The following CACUL1 variants were observed in gnomAD, a reference collection of about 807,000 sequenced individuals.
The protein encoded by CACUL1 is CDK2 associated cullin domain 1.
CACUL1 carries 13 observed loss-of-function variants against 45.2 expected under a neutral mutation model. The observed-to-expected ratio is 0.29, with a 90% CI of 0.19 to 0.46. CACUL1 has a LOEUF of 0.46. Ranked by LOEUF, CACUL1 falls within the 20% of genes least tolerant of loss-of-function variation. The pLI is 1.00. For synonymous variants in CACUL1, 197 were observed against 174.2 expected, an observed-to-expected ratio of 1.13 and a Z score of -1.03; for missense variants, 421 against 471.4, an observed-to-expected ratio of 0.89 and a Z score of 0.99.
At chr10:118,732,015 G>A (rs1845701794) in intron 1 of CACUL1, among the ~76,000 whole-genome samples, 1 of 152,190 alleles carries the variant, frequency 6.6e-6, no homozygotes, top group African/African-American at 2.4e-5. Context: ...ATAACAGTAG[G>A]AAGAGGCCAG....
At chr10:118,727,381 G>A (rs895076345) in intron 3 of CACUL1, among the ~76,000 whole-genome samples, 2 of 136,854 alleles carry the variant, frequency 1.5e-5, no homozygotes, top group Non-Finnish European at 1.5e-5. Flanking sequence ...GAGACAGAGC[G>A]AGACCCCCAT....
chr10:118,726,208 A>C, intron 3 of CACUL1: 1 of 744,050 alleles, frequency 1.3e-6, no homozygotes, highest in East Asian at 6.4e-5. Context: ...AAACTGCCTT[A>C]AGGTCTCTAT....
At chr10:118,692,719 A>G (rs1207443699) in intron 6 of CACUL1, 1 of 152,230 alleles carries the variant, frequency 6.6e-6, no homozygotes, top group African/African-American at 2.4e-5. Flanking sequence ...CTCTTGAATC[A>G]CTTTAAAAAC....
Position 118,678,995 on chromosome 10 carries a change from T to G in CACUL1, c.*7133A>C, listed in dbSNP as rs1845123635. On this transcript the variant is annotated 3_prime_UTR_variant, in exon 9 of 9. Transcript: ENST00000369151. ...GTTGGTAGACTGACCTATTTCTCTT[T>G]GTAGTGTGTTCATTTTTCCTTTTTG... The G allele has an allele frequency of 1.3e-5, 2 of 152,304 alleles. No individual in the cohort carries two copies. The highest frequency in any genetic ancestry group is 1.5e-5 in the Non-Finnish European group (1 of 68,030). 9.4% of individuals were successfully genotyped at this position (152,304 alleles called of 1,614,324 possible).
At chr10:118,701,122 C>T (rs1019661441) in intron 5 of CACUL1, among the ~76,000 whole-genome samples, 184 bp downstream of exon 5, 24 of 152,058 alleles carry the variant, frequency 1.6e-4, no homozygotes, top group South Asian at 2.1e-4. Flanking sequence ...CACAGCTCAC[C>T]GGGTGACCTT....
chr10:118,754,592 C>T lies in CACUL1; in HGVS notation c.171G>A (p.Leu57=). The change falls in exon 1 of 9, where the codon CTG becomes CTA. Residue 57 remains leucine (L), a synonymous_variant. Coordinates refer to ENST00000369151, the MANE Select transcript of CACUL1 (RefSeq NM_153810.5). ...APAREPPGGQ[L]LAVPAVSVDR... ...CCACGGAGACCGCGGGCACCGCCAGCAGCTGCCCCCCCGGAGGCTCTCGGG... is the reference window on the plus strand; with the variant it reads ...CCACGGAGACCGCGGGCACCGCCAGTAGCTGCCCCCCCGGAGGCTCTCGGG... 1.2e-6 allele frequency: 2 copies of T among 1,609,196 alleles called. No individual in the cohort carries two copies. The highest frequency in any genetic ancestry group is 1.7e-6 in the Non-Finnish European group (2 of 1,177,948).
intron 6 of CACUL1, among the ~76,000 whole-genome samples, chr10:118,691,933 CTGATT>C (rs1305544294): frequency 2.5e-4 from 37 of 145,128 alleles, no homozygotes; most frequent in Admixed American, 6.8e-4. Flanking sequence ...TTTTACTTTA[CTGATT>C]TAACAGAATT....
chr10:118,731,290 C>T (rs1845695469), intron 1 of CACUL1, among the ~76,000 whole-genome samples: 1 of 152,162 alleles, frequency 6.6e-6, no homozygotes, highest in African/African-American at 2.4e-5. Context: ...GACTAGGAAG[C>T]AGAGTGGTTA....
intron 1 of CACUL1, among the ~76,000 whole-genome samples, chr10:118,733,782 C>T (rs1206144235): frequency 3.9e-5 from 6 of 152,102 alleles, no homozygotes; most frequent in South Asian, 2.1e-4. Context: ...GAGACCGAGG[C>T]GAGAGCACCG....
chr10:118,707,772 T>C (rs1845446798), intron 3 of CACUL1, among the ~76,000 whole-genome samples, 185 bp from the exon 4 acceptor site: 1 of 151,812 alleles, frequency 6.6e-6, no homozygotes, highest in African/African-American at 2.4e-5. Flanking sequence ...AAATCTGCTA[T>C]GTAAAACTGA....
intron 1 of CACUL1, among the ~76,000 whole-genome samples, chr10:118,736,443 T>C (rs960867906): frequency 1.4e-4 from 21 of 151,798 alleles, no homozygotes; most frequent in African/African-American, 4.8e-4. Context: ...TGGAGTACAG[T>C]GGTGCAATCT....
intron 1 of CACUL1, among the ~76,000 whole-genome samples, chr10:118,740,119 C>A (rs1349397036): frequency 6.6e-6 from 1 of 152,176 alleles, no homozygotes. Flanking sequence ...TGCACTCCAG[C>A]CTGGGCGACA....
chr10:118,739,495 T>C (rs1273478468), intron 1 of CACUL1, among the ~76,000 whole-genome samples: 1 of 152,222 alleles, frequency 6.6e-6, no homozygotes, highest in East Asian at 1.9e-4. Flanking sequence ...ACTTTTAAAA[T>C]GCCAAGGAAA....
rs191512454 is a variant in CACUL1, at chr10:118,732,162, G to C, written c.368-1752C>G. On this transcript the variant is annotated intron_variant, in intron 1 of 8. Coordinates refer to ENST00000369151, the MANE Select transcript of CACUL1 (RefSeq NM_153810.5). ...TGGATCATTCCAGCAGCTGTGCTGA[G>C]GGTAAACTAAGTTTGGAGGCTGTGA... Among the ~76,000 whole-genome samples the C allele has an allele frequency of 6.6e-4, 101 of 152,330 alleles. 1 individual carries two copies. Among genetic ancestry groups the C allele is most frequent in the African/African-American group, 2.4e-3 (98 of 41,574 alleles).
At chr10:118,713,402 G>C (rs1845511599) in intron 3 of CACUL1, among the ~76,000 whole-genome samples, 1 of 152,170 alleles carries the variant, frequency 6.6e-6, no homozygotes, top group Non-Finnish European at 1.5e-5. Flanking sequence ...CAACTCAGAA[G>C]AGGCTCTTGC....
intron 1 of CACUL1, among the ~76,000 whole-genome samples, chr10:118,750,160 T>C (rs1296363883): frequency 6.6e-6 from 1 of 152,050 alleles, no homozygotes; most frequent in African/African-American, 2.4e-5. Flanking sequence ...AACACATCTC[T>C]ACTAAAAATA....
At position 118,754,404 on chromosome 10, in the gene CACUL1, G is replaced by C; in HGVS notation, c.359C>G (p.Ser120Cys). 3 of 1,565,140 alleles carry C rather than the reference G, an allele frequency of 1.9e-6. No homozygotes were observed. Among genetic ancestry groups the C allele is most frequent in the Non-Finnish European group, 2.6e-6 (3 of 1,156,378 alleles). Residue 120 changes from serine to cysteine, a missense_variant, in exon 1 of 9, where the codon TCC (serine) becomes TGC (cysteine). Physicochemically the swap from Ser to Cys is moderately radical, Grantham distance 112 (BLOSUM62 -1). Around this residue, in one of 2 missense-constraint regions of CACUL1, gnomAD observed 213 missense variants for 173.1 expected, o/e 1.23. Transcript: ENST00000369151. ...SSTININTST[S>C]KFLMNVITIE... ...GGAAAGGCTGGACTCACAGAACTTG[G>C]AGGTGGAGGTGTTGATGTTGATGGT... is the stretch of plus-strand genomic sequence containing the variant.
intron 3 of CACUL1, among the ~76,000 whole-genome samples, chr10:118,725,554 T>C (rs934676131): frequency 1.3e-5 from 2 of 152,180 alleles, no homozygotes; most frequent in African/African-American, 4.8e-5. Context: ...GTTCACAATT[T>C]TGAACAATCC....
chr10:118,719,711 C>A (rs1845582514), intron 3 of CACUL1, among the ~76,000 whole-genome samples: 1 of 151,552 alleles, frequency 6.6e-6, no homozygotes, highest in African/African-American at 2.4e-5. Context: ...CTCAGGGGGC[C>A]AAGGCAGGAG....
Sources: allele counts gnomAD v4.1 joint callset (sites outside exome capture counted in the v4.1 genomes callset), GRCh38; gene constraint gnomAD v4.1.1; regional missense constraint gnomAD v4.1.1; transcripts MANE v1.5; gene names NCBI Gene and HGNC (gene_info 2026-07-23, HGNC 2026-07-21).